The following ZFYVE21 variants were observed in gnomAD, a reference collection of about 807,000 sequenced individuals.
The protein encoded by ZFYVE21 is zinc finger FYVE domain-containing protein 21.
A neutral mutation model predicts 29.5 loss-of-function variants in ZFYVE21; 21 were observed. The ratio of observed to expected loss-of-function variants is 0.71; its 90% CI spans 0.50 to 1.02. The LOEUF (loss-of-function observed/expected upper bound fraction) is 1.02. Among genes scored for constraint, ZFYVE21 ranks in the 50% least tolerant of loss-of-function variants. The pLI is 0.00. For synonymous variants in ZFYVE21, 151 were observed against 133.8 expected (o/e 1.13, Z -0.89); for missense variants, 326 against 335.4 (o/e 0.97, Z 0.22).
chr14:103,733,281 C>A lies in ZFYVE21; in HGVS notation c.*263C>A. ...GGGTGGGAGAGACTGAGCTACACTA[C>A]TGCTAAACTATTTTTAGCATAATAT... is the stretch of plus-strand genomic sequence containing the variant. On this transcript the variant is annotated 3_prime_UTR_variant, in exon 7 of 7. Coordinates refer to ENST00000311141, the MANE Select transcript of ZFYVE21 (RefSeq NM_024071.4). 1 of 466,528 alleles carries A rather than the reference C, an allele frequency of 2.1e-6. No homozygotes were observed. The allele number at this position is 466,528 out of a possible 1,614,324, so 28.9% of individuals were successfully genotyped here. A position where few individuals can be genotyped will look rare whatever the true frequency, so the allele number is the denominator to read the frequency against.
Position 103,727,852 on chromosome 14 carries a change from G to A in ZFYVE21, c.296G>A (p.Cys99Tyr), listed in dbSNP as rs761719984. Residue 99 changes from cysteine (C) to tyrosine (Y), a missense_variant, in exon 3 of 7, where the codon TGC becomes TAC. Coordinates refer to ENST00000311141, the MANE Select transcript of ZFYVE21 (RefSeq NM_024071.4). ...FVDPVRQCAE[C>Y]ALVSLKEAEF... The stretch of plus-strand genomic sequence containing the variant: ...GACCCCGTGCGGCAGTGCGCGGAGT[G>A]CGCCCTCGTGTCCCTCAAGGAGGCG... 1 of 1,613,288 alleles carries A rather than the reference G, an allele frequency of 6.2e-7. No individual in the cohort carries two copies. The highest frequency in any genetic ancestry group is 8.5e-7 in the Non-Finnish European group (1 of 1,179,906).
At chr14:103,728,770 C>G in intron 3 of ZFYVE21, 138 bp from the exon 4 acceptor site, 1 of 812,556 alleles carries the variant, frequency 1.2e-6, no homozygotes, top group Non-Finnish European at 2.0e-6. Flanking sequence ...CTGAAGGGGT[C>G]CTTAGAACAA....
chr14:103,722,633 C>A (rs1468532948), intron 1 of ZFYVE21, among the ~76,000 whole-genome samples: 1 of 152,052 alleles, frequency 6.6e-6, no homozygotes, highest in Non-Finnish European at 1.5e-5. Flanking sequence ...TCCTGGCTAA[C>A]ACAGTGAAAC....
chr14:103,730,237 ACT>A (rs745396214), intron 5 of ZFYVE21: 7 of 215,282 alleles, frequency 3.3e-5, no homozygotes, highest in Non-Finnish European at 6.4e-5. Flanking sequence ...GGGACCCCTG[ACT>A]CTCCTGGCAC....
At chr14:103,722,862 C>A (rs1274789301) in intron 1 of ZFYVE21, among the ~76,000 whole-genome samples, 1 of 151,824 alleles carries the variant, frequency 6.6e-6, no homozygotes, top group Middle Eastern at 3.2e-3. Flanking sequence ...GTTGCCCAGG[C>A]TAGTCTTAAA....
chr14:103,725,625 C>T (rs759080969), intron 1 of ZFYVE21: 18 of 152,278 alleles, frequency 1.2e-4, no homozygotes, highest in Non-Finnish European at 2.1e-4. Context: ...GGCCTCCTGG[C>T]AGGGGCTGAG....
intron 1 of ZFYVE21, among the ~76,000 whole-genome samples, chr14:103,720,557 G>T (rs1477868199): frequency 1.3e-5 from 2 of 152,184 alleles, no homozygotes; most frequent in East Asian, 3.9e-4. Flanking sequence ...CCTGAGACTT[G>T]GTTCTTTTTA....
intron 1 of ZFYVE21, among the ~76,000 whole-genome samples, chr14:103,724,274 C>T (rs2083899765): frequency 6.6e-6 from 1 of 152,268 alleles, no homozygotes; most frequent in South Asian, 2.1e-4. Context: ...TGGAATCAGC[C>T]CCAGCAGTGT....
rs555662088 is a variant in ZFYVE21, at chr14:103,716,294, G to C, written c.138+315G>C. On this transcript the variant is annotated intron_variant, in intron 1 of 6. Transcript: ENST00000311141. This position sits in a 1 kb window ranked among gnomAD's most constrained non-coding sequence, Gnocchi z 4.8. ...TGGTCCCGGGGGTGGGTGCGGCCCT[G>C]CCCGAGGCCGGTTCGTGCTGGGCTA... is the stretch of plus-strand genomic sequence containing the variant. Among the ~76,000 whole-genome samples, 12 of 152,280 alleles carry C rather than the reference G, an allele frequency of 7.9e-5. No homozygotes were observed. The highest frequency in any genetic ancestry group is 1.5e-4 in the Non-Finnish European group (10 of 67,992).
Position 103,722,973 on chromosome 14 carries a change from G to A in ZFYVE21, c.139-3819G>A, listed in dbSNP as rs1246047620. ...AGTGTGGTGTTATATTTAGAAATTGGCCTTTCAGCTTGCCCAAACACAAAC... is the reference window on the plus strand; with the variant it reads ...AGTGTGGTGTTATATTTAGAAATTGACCTTTCAGCTTGCCCAAACACAAAC... On this transcript the variant is annotated intron_variant, in intron 1 of 6. Coordinates refer to ENST00000311141, the MANE Select transcript of ZFYVE21 (RefSeq NM_024071.4). Among the ~76,000 whole-genome samples the A allele has an allele frequency of 2.6e-5, 4 of 152,174 alleles. No individual in the cohort carries two copies. The South Asian group carries it at 6.2e-4, about 24-fold the overall frequency.
chr14:103,728,702 A>G (rs2083950115), intron 3 of ZFYVE21: 2 of 579,112 alleles, frequency 3.5e-6, no homozygotes, highest in Non-Finnish European at 6.2e-6. Context: ...ACCTGTCTAG[A>G]GCAGCGCCTT....
In ZFYVE21 at chr14:103,733,609, A is replaced by ATGAC. The variant is rs755629019; in HGVS notation, c.*594_*597dup. On this transcript the variant is annotated 3_prime_UTR_variant, in exon 7 of 7. Coordinates refer to ENST00000311141, the MANE Select transcript of ZFYVE21 (RefSeq NM_024071.4). ...TCACTCACTATTTCACTTTATTAAG[A>ATGAC]TGACTGTACAGCAATTTGTATATAA... 1.3e-4 allele frequency: 20 copies of ATGAC among 152,974 alleles called. No individual in the cohort carries two copies. The highest frequency in any genetic ancestry group is 2.6e-4 in the Non-Finnish European group (18 of 68,306). The allele number at this position is 152,974 out of a possible 1,614,324, so 9.5% of individuals were successfully genotyped here.
At position 103,732,728 on chromosome 14, in the gene ZFYVE21, G is replaced by A; in HGVS notation, c.635G>A (p.Arg212Lys). Residue 212 changes from arginine to lysine, a missense_variant, in exon 6 of 7, where the codon AGG (arginine) becomes AAG (lysine). Physicochemically the swap from Arg to Lys is conservative, Grantham distance 26. Coordinates refer to ENST00000311141, the MANE Select transcript of ZFYVE21 (RefSeq NM_024071.4). ...TVVEDVTVGRRQAVAWLVAMH... is the reference protein window; with the variant it reads ...TVVEDVTVGRKQAVAWLVAMH... The stretch of plus-strand genomic sequence containing the variant: ...GTGGAGGACGTGACTGTGGGCAGGA[G>A]GCAGGCGGTGGCGTGGCTAGTGGCC... The A allele has an allele frequency of 6.2e-7, 1 of 1,613,268 alleles. No homozygotes were observed. The highest frequency in any genetic ancestry group is 8.5e-7 in the Non-Finnish European group (1 of 1,179,742).
intron 6 of ZFYVE21, 48 bp downstream of exon 6, chr14:103,732,810 A>C: frequency 6.2e-7 from 1 of 1,602,400 alleles, no homozygotes; most frequent in Non-Finnish European, 8.5e-7. Flanking sequence ...CTTAGACAAA[A>C]GCTTGCCTTT....
chr14:103,720,482 C>CA (rs1049700715), intron 1 of ZFYVE21, among the ~76,000 whole-genome samples: 20 of 152,178 alleles, frequency 1.3e-4, no homozygotes, highest in African/African-American at 4.8e-4. Flanking sequence ...CGTGGTGGGG[C>CA]CTGATGTTTT....
In ZFYVE21 at chr14:103,722,038, G is replaced by A. The variant is rs535768348; in HGVS notation, c.139-4754G>A. Among the ~76,000 whole-genome samples, 193 of 152,320 alleles carry A rather than the reference G, an allele frequency of 1.3e-3. 5 individuals carry two copies. The South Asian group carries it at 0.029, about 23-fold the overall frequency. ...CTGTTCCACTGAGCATCAGAGCTGCGGGGTCCAGTTAAAGGAGGCGCTGGT... is the reference window on the plus strand; with the variant it reads ...CTGTTCCACTGAGCATCAGAGCTGCAGGGTCCAGTTAAAGGAGGCGCTGGT... On this transcript the variant is annotated intron_variant, in intron 1 of 6. Transcript: ENST00000311141.
At position 103,728,951 on chromosome 14, in the gene ZFYVE21, A is replaced by C; in HGVS notation, c.402A>C (p.Glu134Asp). Residue 134 changes from glutamate (E) to aspartate (D), a missense_variant, in exon 4 of 7, where the codon GAA becomes GAC. By Grantham distance (45) the Glu-to-Asp change is conservative. Coordinates refer to ENST00000311141, the MANE Select transcript of ZFYVE21 (RefSeq NM_024071.4). ...CGTTTGGAAACTCAGAGAAACCTGAAACTATGACTTGTCGTCTTTCCAATA... is the reference window on the plus strand; with the variant it reads ...CGTTTGGAAACTCAGAGAAACCTGACACTATGACTTGTCGTCTTTCCAATA... The part of the protein sequence containing the change: ...LVTFGNSEKP[E>D]TMTCRLSNNQ... The C allele has an allele frequency of 6.2e-7, 1 of 1,614,062 alleles. No individual in the cohort carries two copies. The highest frequency in any genetic ancestry group is 1.3e-5 in the African/African-American group (1 of 75,008).
chr14:103,728,192 C>T (rs895613800), intron 3 of ZFYVE21: 3 of 348,604 alleles, frequency 8.6e-6, no homozygotes, highest in Admixed American at 4.6e-5. Flanking sequence ...CTTCCTCCTT[C>T]CCCCGGGTGG....
In ZFYVE21 at chr14:103,726,952, T is replaced by TTTTTTTTGTTTG. The variant is rs1249742565; in HGVS notation, c.189+117_189+118insGTTTGTTTTTTT. On this transcript the variant is annotated intron_variant, in intron 2 of 6. Coordinates refer to ENST00000311141, the MANE Select transcript of ZFYVE21 (RefSeq NM_024071.4). ...ACGGATGTCATCTTATGGCTCGTTT[T>TTTTTTTTGTTTG]TTTTTTTTTTGAGACGGAGTTTCGC... 7.4e-6 allele frequency: 9 copies of TTTTTTTTGTTTG among 1,214,912 alleles called. 1 individual carries two copies. In the African/African-American group the frequency reaches 1.5e-4, roughly 20 times the overall value. 75.3% of individuals were successfully genotyped at this position (1,214,912 alleles called of 1,614,324 possible). A position where few individuals can be genotyped will look rare whatever the true frequency, so the allele number is the denominator to read the frequency against.
Sources: gnomAD v4.1 joint callset for allele counts (sites outside exome capture counted in the v4.1 genomes callset) on GRCh38, gnomAD v4.1.1 for gene constraint, Gnocchi (gnomAD v3.1) non-coding constraint, MANE v1.5 for transcripts, NCBI Gene and HGNC (gene_info 2026-07-23, HGNC 2026-07-21) for gene names.